Variants in MAPK4 observed in about 807,000 individuals in gnomAD.
The protein encoded by MAPK4 is mitogen-activated protein kinase 4.
Under a neutral mutation model 47.7 loss-of-function variants are expected in MAPK4, and 22 were observed. That is an observed-to-expected ratio of 0.46 (90% CI 0.33 to 0.66). The LOEUF (loss-of-function observed/expected upper bound fraction) is 0.66. Among genes scored for constraint, MAPK4 ranks in the 30% least tolerant of loss-of-function variants. The pLI is 0.02. For missense variants in MAPK4, 736 were observed against 831.7 expected, an observed-to-expected ratio of 0.88 and a Z score of 1.42; for synonymous variants, 390 against 365.7, an observed-to-expected ratio of 1.07 and a Z score of -0.76.
At chr18:50,698,315 G>A (rs769385505) in intron 2 of MAPK4, among the ~76,000 whole-genome samples, 2 of 152,094 alleles carry the variant, frequency 1.3e-5, no homozygotes, top group Non-Finnish European at 2.9e-5. Context: ...GCAATACCAT[G>A]AACTCCATGC....
rs538265650 is a variant in MAPK4, at chr18:50,609,529, G to C, written c.-871+49286G>C. ...ACACAGTCAAGGAGATTTAAACACA[G>C]GTGTTTGTGACGAGAATGCACTCCT... On this transcript the variant is annotated intron_variant, in intron 1 of 5. Transcript: ENST00000400384. Among the ~76,000 whole-genome samples, 10 of 152,232 alleles carry C rather than the reference G, an allele frequency of 6.6e-5. No homozygotes were observed. The South Asian group carries it at 2.1e-3, about 32-fold the overall frequency.
chr18:50,722,249 C>A, intron 4 of MAPK4, 150 bp downstream of exon 4: 1 of 840,756 alleles, frequency 1.2e-6, no homozygotes. Flanking sequence ...TGGGCCTTTG[C>A]CCTAACTACT....
intron 3 of MAPK4, among the ~76,000 whole-genome samples, chr18:50,721,654 T>C (rs1910939825): frequency 6.6e-6 from 1 of 152,238 alleles, no homozygotes; most frequent in South Asian, 2.1e-4. Context: ...TAGTGCTGAC[T>C]TATATCCAGC....
chr18:50,695,174 C>T (rs554527143), intron 2 of MAPK4, among the ~76,000 whole-genome samples: 9 of 151,806 alleles, frequency 5.9e-5, no homozygotes, highest in Admixed American at 2.6e-4. Flanking sequence ...GATGAAACCC[C>T]GTGTCTACTA....
chr18:50,621,903 C>G (rs1470942315), intron 1 of MAPK4, among the ~76,000 whole-genome samples: 1 of 152,266 alleles, frequency 6.6e-6, no homozygotes, highest in South Asian at 2.1e-4. Flanking sequence ...CTGCCCATCA[C>G]CATCGCTCCA....
At chr18:50,711,154 C>G (rs1910339022) in intron 2 of MAPK4, among the ~76,000 whole-genome samples, 1 of 152,224 alleles carries the variant, frequency 6.6e-6, no homozygotes, top group African/African-American at 2.4e-5. Context: ...TTTAATTATA[C>G]CTTCTCTCTA....
chr18:50,691,123 G>T (rs2144348658), intron 2 of MAPK4, among the ~76,000 whole-genome samples: 1 of 152,232 alleles, frequency 6.6e-6, no homozygotes, highest in South Asian at 2.1e-4. Context: ...CTCCCATGTA[G>T]CTTGGACTAC....
chr18:50,583,596 C>CA (rs2042364788), intron 1 of MAPK4, among the ~76,000 whole-genome samples: 3 of 152,056 alleles, frequency 2.0e-5, no homozygotes, highest in African/African-American at 4.8e-5. Flanking sequence ...CTCCAAAAAA[C>CA]AAAAAACAGG....
intron 1 of MAPK4, among the ~76,000 whole-genome samples, chr18:50,565,923 T>C (rs2042194631): frequency 6.6e-6 from 1 of 152,238 alleles, no homozygotes; most frequent in Admixed American, 6.5e-5. Flanking sequence ...CATTAAGTGA[T>C]GTATGACTGT....
At chr18:50,644,848 G>A (rs528975228) in intron 1 of MAPK4, among the ~76,000 whole-genome samples, 1 of 152,270 alleles carries the variant, frequency 6.6e-6, no homozygotes, top group East Asian at 1.9e-4. Context: ...CTTGGAACCA[G>A]GCCGATAGAT....
At chr18:50,701,713 A>C (rs983332998) in intron 2 of MAPK4, among the ~76,000 whole-genome samples, 1 of 152,312 alleles carries the variant, frequency 6.6e-6, no homozygotes. Context: ...AGTGTCGTTA[A>C]TTCAAAGAGA....
At chr18:50,610,576 G>A (rs2042624206) in intron 1 of MAPK4, among the ~76,000 whole-genome samples, 1 of 152,262 alleles carries the variant, frequency 6.6e-6, no homozygotes, top group Non-Finnish European at 1.5e-5. Context: ...AGAGCCAGCT[G>A]TCAAGGAGCA....
intron 1 of MAPK4, among the ~76,000 whole-genome samples, chr18:50,624,887 A>C (rs950740523): frequency 6.6e-6 from 1 of 152,140 alleles, no homozygotes; most frequent in East Asian, 1.9e-4. Context: ...TGCTGTGTTC[A>C]GAAAGTGACA....
At chr18:50,697,237 C>A (rs1437137080) in intron 2 of MAPK4, among the ~76,000 whole-genome samples, 1 of 152,170 alleles carries the variant, frequency 6.6e-6, no homozygotes, top group Non-Finnish European at 1.5e-5. Context: ...TAACTAGCCA[C>A]TCTCACCTTC....
rs117876156 is a variant in MAPK4, at chr18:50,730,244, A to G, written c.*390A>G. 1,345 of 166,456 alleles carry G rather than the reference A, an allele frequency of 8.1e-3. 35 individuals carry two copies. The East Asian group carries it at 0.084, about 10-fold the overall frequency. The allele number at this position is 166,456 out of a possible 1,614,324, so 10.3% of individuals were successfully genotyped here. ...CTCAACTGACAGCTGAGGAAAGGCA[A>G]TTAGGCCCAGAGAGGCAGAGACACT... On this transcript the variant is annotated 3_prime_UTR_variant, in exon 6 of 6. Transcript: ENST00000400384.
In MAPK4 at chr18:50,720,208, G is replaced by A. The variant is rs138687060; in HGVS notation, c.692-1730G>A. Among the ~76,000 whole-genome samples, 443 of 152,230 alleles carry A rather than the reference G, an allele frequency of 2.9e-3. 9 individuals are homozygous for A. The highest frequency in any genetic ancestry group is 9.1e-3 in the East Asian group (47 of 5,152). ...ACAAAGAATCACTCACGGATGATTA[G>A]GACATAAATCCCCAAGGTGGAATTA... On this transcript the variant is annotated intron_variant, in intron 3 of 5. Coordinates refer to ENST00000400384, the MANE Select transcript of MAPK4 (RefSeq NM_002747.4).
chr18:50,561,619 A>G (rs2042154262), intron 1 of MAPK4, among the ~76,000 whole-genome samples: 2 of 152,210 alleles, frequency 1.3e-5, no homozygotes, highest in Non-Finnish European at 1.5e-5. Context: ...TGGGGTACGG[A>G]TAGAAACAAG....
intron 1 of MAPK4, chr18:50,629,870 T>G (rs1191574986): frequency 1.3e-5 from 2 of 152,242 alleles, no homozygotes; most frequent in Non-Finnish European, 2.9e-5. Context: ...CAAGGGCTGC[T>G]GTGAGTAGGT....
At chr18:50,727,060 G>C (rs184461673) in intron 5 of MAPK4, among the ~76,000 whole-genome samples, 106 of 152,284 alleles carry the variant, frequency 7.0e-4, no homozygotes, top group African/African-American at 2.4e-3. Context: ...TCCTCAACAG[G>C]TGTCCCTGGA....
Sources: gnomAD v4.1 joint callset for allele counts (sites outside exome capture counted in the v4.1 genomes callset) on GRCh38, gnomAD v4.1.1 for gene constraint, MANE v1.5 for transcripts, NCBI Gene and HGNC (gene_info 2026-07-23, HGNC 2026-07-21) for gene names.